RSBN1L: variants seen among roughly 807,000 people sequenced by gnomAD.
The protein encoded by RSBN1L is lysine-specific demethylase RSBN1L.
Under a neutral mutation model 67.7 loss-of-function variants are expected in RSBN1L, and 30 were observed. The observed-to-expected ratio is 0.44, with a 90% confidence interval of 0.33 to 0.60. The LOEUF (loss-of-function observed/expected upper bound fraction) is 0.60. Among genes scored for constraint, RSBN1L ranks in the 20% least tolerant of loss-of-function variants. The probability of loss-of-function intolerance (pLI) is 0.02; values close to 1 mark genes in which losing one functional copy is unlikely to be tolerated. For missense variants in RSBN1L, 992 were observed against 1,031.7 expected (o/e 0.96, Z 0.53); for synonymous variants, 433 against 387.0 (o/e 1.12, Z -1.39).
intron 2 of RSBN1L, among the ~76,000 whole-genome samples, chr7:77,741,185 C>T (rs1791405544): frequency 6.6e-6 from 1 of 151,302 alleles, no homozygotes; most frequent in African/African-American, 2.4e-5. Context: ...TGGGGTTTTA[C>T]CATGTTGGCC....
intron 2 of RSBN1L, among the ~76,000 whole-genome samples, chr7:77,742,180 A>ATACACACACACACACAC (rs60910312): frequency 6.6e-4 from 54 of 82,164 alleles, no homozygotes; most frequent in African/African-American, 3.0e-3. Flanking sequence ...AAAAAAAAAA[A>ATACACACACACACACAC]ATACACACAC....
At chr7:77,735,909 A>T (rs1791327800) in intron 1 of RSBN1L, among the ~76,000 whole-genome samples, 1 of 152,152 alleles carries the variant, frequency 6.6e-6, no homozygotes, top group Non-Finnish European at 1.5e-5. Context: ...AAGGGAACCA[A>T]CATCTAGTCT....
chr7:77,738,404 A>C (rs909702337), intron 2 of RSBN1L, among the ~76,000 whole-genome samples: 2 of 152,192 alleles, frequency 1.3e-5, no homozygotes, highest in African/African-American at 4.8e-5. Flanking sequence ...AAGGTAAAAG[A>C]ATGAGATAGA....
intron 2 of RSBN1L, among the ~76,000 whole-genome samples, chr7:77,743,708 A>G (rs1366440243): frequency 6.6e-6 from 1 of 152,210 alleles, no homozygotes; most frequent in Non-Finnish European, 1.5e-5. Context: ...TCATTTTGGC[A>G]ACAATTGCGT....
At chr7:77,721,767 A>C (rs7801709) in intron 1 of RSBN1L, among the ~76,000 whole-genome samples, 27,405 of 152,182 alleles carry the variant, frequency 0.18, 2,995 homozygotes, top group African/African-American at 0.31. Context: ...CTTGAATGAC[A>C]TATTATGGGA....
chr7:77,718,685 T>C (rs1189703104), intron 1 of RSBN1L, among the ~76,000 whole-genome samples: 1 of 152,232 alleles, frequency 6.6e-6, no homozygotes, highest in East Asian at 1.9e-4. Context: ...TTTTTCATTA[T>C]CTATAATAAG....
chr7:77,774,901 G>T (rs1791894026), intron 6 of RSBN1L, among the ~76,000 whole-genome samples: 1 of 151,854 alleles, frequency 6.6e-6, no homozygotes, highest in Admixed American at 6.6e-5. Flanking sequence ...TCACTCTGTT[G>T]CCCAGGCTAT....
At chr7:77,750,294 G>GTCTTTTTTT (rs1791539406) in intron 3 of RSBN1L, among the ~76,000 whole-genome samples, 1 of 66,482 alleles carries the variant, frequency 1.5e-5, no homozygotes, top group African/African-American at 6.9e-5. Context: ...TTAAGATTCT[G>GTCTTTTTTT]TGTTTTTTTT....
At chr7:77,766,332 A>C (rs762574413) in intron 4 of RSBN1L, among the ~76,000 whole-genome samples, 10 of 152,152 alleles carry the variant, frequency 6.6e-5, no homozygotes, top group Non-Finnish European at 1.5e-4. Context: ...TTACAGGCAC[A>C]TGCCATCATG....
At chr7:77,752,868 T>C (rs1378715384) in intron 3 of RSBN1L, among the ~76,000 whole-genome samples, 1 of 152,204 alleles carries the variant, frequency 6.6e-6, no homozygotes, top group African/African-American at 2.4e-5. Flanking sequence ...ATCACTGATA[T>C]ATTTTGCTTC....
intron 1 of RSBN1L, among the ~76,000 whole-genome samples, chr7:77,709,138 A>G (rs1255697416): frequency 6.7e-6 from 1 of 149,530 alleles, no homozygotes; most frequent in Admixed American, 6.8e-5. Context: ...TGCTCGACAT[A>G]GAAGGGATTC....
chr7:77,712,003 T>C (rs893233691), intron 1 of RSBN1L, among the ~76,000 whole-genome samples: 1 of 152,160 alleles, frequency 6.6e-6, no homozygotes. Context: ...AATAAGAGGT[T>C]TGAACCAAAT....
intron 4 of RSBN1L, among the ~76,000 whole-genome samples, chr7:77,766,781 A>G (rs893006002): frequency 1.3e-5 from 2 of 151,938 alleles, no homozygotes; most frequent in Non-Finnish European, 2.9e-5. Context: ...TTTTTACCCT[A>G]TATGTACATA....
rs1334626589 is a variant in RSBN1L, at chr7:77,778,551, G to T, written c.1924G>T (p.Ala642Ser). The stretch of plus-strand genomic sequence containing the variant: ...TTAGTGTGTCCAATGGGTTGATGAT[G>T]CAAAACTGAATCAACTGAGGAGGGA... ...LSQCVQWVDD[A>S]KLNQLRREGI... The change falls in exon 8 of 8, where the codon GCA becomes TCA. Residue 642 changes from alanine to serine, a missense_variant. Ala to Ser is a moderately conservative substitution (Grantham distance 99, BLOSUM62 1). This residue lies in a region of RSBN1L where 55 missense variants were observed against 112.8 expected (regional missense o/e 0.49). Coordinates refer to ENST00000334955, the MANE Select transcript of RSBN1L (RefSeq NM_198467.3). The T allele has an allele frequency of 6.2e-7, 1 of 1,612,676 alleles. No homozygotes were observed. Among genetic ancestry groups the T allele is most frequent in the Non-Finnish European group, 8.5e-7 (1 of 1,179,192 alleles).
intron 3 of RSBN1L, among the ~76,000 whole-genome samples, chr7:77,750,606 A>G (rs1226116772): frequency 1.3e-5 from 2 of 152,132 alleles, no homozygotes; most frequent in African/African-American, 2.4e-5. Context: ...TGGAGAATAT[A>G]TATTATTCTG....
chr7:77,699,120 T>C (rs1790779966), intron 1 of RSBN1L, among the ~76,000 whole-genome samples: 1 of 152,228 alleles, frequency 6.6e-6, no homozygotes, highest in Non-Finnish European at 1.5e-5. Context: ...TGTAAAAATC[T>C]TAGTGAATGG....
intron 2 of RSBN1L, among the ~76,000 whole-genome samples, chr7:77,744,723 T>TA (rs962990096): frequency 6.6e-6 from 1 of 152,140 alleles, no homozygotes; most frequent in African/African-American, 2.4e-5. Context: ...TGGCCACAGA[T>TA]AGACTCTTTA....
chr7:77,702,444 CTGTT>C (rs1454275377), intron 1 of RSBN1L, among the ~76,000 whole-genome samples: 6 of 151,862 alleles, frequency 4.0e-5, no homozygotes, highest in East Asian at 1.9e-4. Context: ...TTACTTATTT[CTGTT>C]TGTTTTGGTT....
At chr7:77,757,850 C>T (rs986591402) in intron 3 of RSBN1L, among the ~76,000 whole-genome samples, 2 of 152,132 alleles carry the variant, frequency 1.3e-5, no homozygotes, top group African/African-American at 4.8e-5. Context: ...CCCCAGTGTA[C>T]AAGCTTCTGC....
Sources: gnomAD v4.1 joint callset for allele counts (sites outside exome capture counted in the v4.1 genomes callset) on GRCh38, gnomAD v4.1.1 for gene constraint, gnomAD v4.1.1 regional missense constraint, MANE v1.5 for transcripts, NCBI Gene and HGNC (gene_info 2026-07-23, HGNC 2026-07-21) for gene names.